ARFGAP1: variants seen among roughly 807,000 people sequenced by gnomAD.
ARFGAP1 encodes ARF GTPase activating protein 1, also known as ADP-ribosylation factor GTPase-activating protein 1.
Under a neutral mutation model 54.0 loss-of-function variants are expected in ARFGAP1, and 26 were observed. The ratio of observed to expected loss-of-function variants is 0.48; its 90% CI spans 0.35 to 0.67. The LOEUF (loss-of-function observed/expected upper bound fraction) is 0.67, where lower values mean the gene tolerates loss of function less well. Ranked by LOEUF, ARFGAP1 falls within the 30% of genes least tolerant of loss-of-function variation. The pLI, the probability that ARFGAP1 is intolerant of heterozygous loss-of-function variation, is 0.00. For synonymous variants in ARFGAP1, 248 were observed against 211.9 expected, an observed-to-expected ratio of 1.17 and a Z score of -1.48; for missense variants, 525 against 535.8, an observed-to-expected ratio of 0.98 and a Z score of 0.20.
chr20:63,280,214 G>A (rs2067344489), intron 7 of ARFGAP1, among the ~76,000 whole-genome samples: 1 of 152,236 alleles, frequency 6.6e-6, no homozygotes, highest in Non-Finnish European at 1.5e-5. Flanking sequence ...CTTTGGCCAC[G>A]GGGGCTGCTT....
intron 7 of ARFGAP1, chr20:63,279,196 T>G: frequency 3.0e-6 from 2 of 661,542 alleles, no homozygotes; most frequent in Non-Finnish European, 2.7e-6. Context: ...ATTCAATCAC[T>G]TCCTTTTTTT....
chr20:63,283,139 C>T (rs2067430924), intron 9 of ARFGAP1: 3 of 502,260 alleles, frequency 6.0e-6, no homozygotes, highest in Non-Finnish European at 1.1e-5. Flanking sequence ...GGGAGCAGGA[C>T]TGCCCGGCTT....
At position 63,288,129 on chromosome 20, in the gene ARFGAP1, C is replaced by G; in HGVS notation, c.*256C>G. 1.7e-6 allele frequency: 1 copy of G among 602,534 alleles called. No individual in the cohort carries two copies. The allele number at this position is 602,534 out of a possible 1,614,324, so 37.3% of individuals were successfully genotyped here. A position where few individuals can be genotyped will look rare whatever the true frequency, so the allele number is the denominator to read the frequency against. ...ACACTCCCCTGGGCATTCTTGGACT[C>G]AAGGCCGGGGCTCTGCGTGGCTTGC... On this transcript the variant is annotated 3_prime_UTR_variant, in exon 13 of 13. Transcript: ENST00000370283.
At chr20:63,285,562 G>C in intron 10 of ARFGAP1, 92 bp from the exon 11 acceptor site, 1 of 1,356,832 alleles carries the variant, frequency 7.4e-7, no homozygotes, top group Non-Finnish European at 1.1e-6. Context: ...CTGATATTTC[G>C]GATGCCCTCA....
chr20:63,284,220 G>A, intron 9 of ARFGAP1: 1 of 1,237,912 alleles, frequency 8.1e-7, no homozygotes, highest in East Asian at 3.7e-5. Context: ...CTGCTGAGCA[G>A]GGTTTCCTGG....
chr20:63,287,769 A>G lies in ARFGAP1; in HGVS notation c.1117A>G (p.Asn373Asp), dbSNP rs2067600855. Residue 373 changes from asparagine to aspartate, a missense_variant, in exon 13 of 13, where the codon AAC (asparagine) becomes GAC (aspartate). By Grantham distance (23) the Asn-to-Asp change is conservative. Transcript: ENST00000370283. ...SWEVWGSASTNRNSNSDGGEG... is the reference protein window; with the variant it reads ...SWEVWGSASTDRNSNSDGGEG... ...GGAGGTGTGGGGCTCGGCCTCCACC[A>G]ACAGGAACAGCAACAGCGACGGCGG... 5 of 1,609,308 alleles carry G rather than the reference A, an allele frequency of 3.1e-6. No homozygotes were observed. The East Asian group carries it at 1.1e-4, about 36-fold the overall frequency.
At chr20:63,285,992 C>CT in intron 11 of ARFGAP1, 1 of 1,530,044 alleles carries the variant, frequency 6.5e-7, no homozygotes, top group Non-Finnish European at 8.8e-7. Context: ...CCAGCGCCGT[C>CT]TTTGCTGCCA....
At chr20:63,278,760 G>A in intron 6 of ARFGAP1, 139 bp from the exon 7 acceptor site, 1 of 607,684 alleles carries the variant, frequency 1.6e-6, no homozygotes, top group Non-Finnish European at 2.9e-6. Flanking sequence ...TGCCACAGGA[G>A]GCAGCGTGCA....
chr20:63,273,554 G>A (rs2067157212), intron 1 of ARFGAP1: 1 of 152,224 alleles, frequency 6.6e-6, no homozygotes, highest in South Asian at 2.1e-4. Flanking sequence ...TAACATTTCA[G>A]GGAACTAGGG....
At chr20:63,287,480 GGT>G in intron 12 of ARFGAP1, 82 bp from the exon 13 acceptor site, 1 of 1,346,666 alleles carries the variant, frequency 7.4e-7, no homozygotes, top group South Asian at 1.5e-5. Context: ...TCACTGTCCA[GGT>G]GCAGAGCTCT....
At position 63,276,238 on chromosome 20, in the gene ARFGAP1, C is replaced by T. The variant is rs750785647; in HGVS notation, c.170+38C>T. The T allele has an allele frequency of 1.3e-5, 21 of 1,599,444 alleles. No individual in the cohort carries two copies. The highest frequency in any genetic ancestry group is 4.0e-5 in the African/African-American group (3 of 74,762). ...CCGCTCTGGCTCTGCGGAGAGCCTG[C>T]GGCCACCCCAGCATCTGTTCCTGAC... On this transcript the variant is annotated intron_variant, in intron 3 of 12. Transcript: ENST00000370283. This position sits in a 1 kb window ranked among gnomAD's most constrained non-coding sequence, Gnocchi z 5.2.
At chr20:63,286,938 A>C in intron 12 of ARFGAP1, 2 of 163,592 alleles carry the variant, frequency 1.2e-5, no homozygotes, top group Non-Finnish European at 1.3e-5. Context: ...AGTGCTTGGC[A>C]CCCCAGTCGC....
Position 63,285,644 on chromosome 20 carries a change from A to T in ARFGAP1, c.775-10A>T, listed in dbSNP as rs2067513946. On this transcript the variant is annotated splice_polypyrimidine_tract_variant and intron_variant, in intron 10 of 12. Coordinates refer to ENST00000370283, the MANE Select transcript of ARFGAP1 (RefSeq NM_018209.4). ...CGCCCCCATTAATGCCGCTGTCTTC[A>T]TCCGTGCAGGTGAAGGAGGGAAAGA... 1.9e-6 allele frequency: 3 copies of T among 1,613,278 alleles called. No individual in the cohort carries two copies. Among genetic ancestry groups the T allele is most frequent in the Non-Finnish European group, 2.5e-6 (3 of 1,179,868 alleles).
intron 10 of ARFGAP1, 114 bp from the exon 11 acceptor site, chr20:63,285,540 A>G (rs974275779): frequency 2.4e-5 from 26 of 1,104,510 alleles, no homozygotes; most frequent in Non-Finnish European, 3.6e-5. Flanking sequence ...CCTGATGGGT[A>G]TCCACATGCC....
chr20:63,277,095 C>A (rs1385027395), intron 4 of ARFGAP1, 110 bp from the exon 5 acceptor site: 5 of 864,058 alleles, frequency 5.8e-6, no homozygotes, highest in African/African-American at 1.7e-5. Flanking sequence ...GAGGAGGCTG[C>A]GGGTGGTGGG....
At position 63,276,666 on chromosome 20, in the gene ARFGAP1, G is replaced by A. The variant is rs200147733; in HGVS notation, c.342+15G>A. On this transcript the variant is annotated intron_variant, in intron 4 of 12. Transcript: ENST00000370283. The surrounding 1 kb of genome is among the most constrained non-coding windows in gnomAD (Gnocchi z 5.2). The stretch of plus-strand genomic sequence containing the variant: ...TTAGGGATAAGGTAGAGATGGGCCC[G>A]ATTCACTCTTGCCCATGGTGTGGGG... The A allele has an allele frequency of 1.3e-5, 21 of 1,590,794 alleles. No individual in the cohort carries two copies. The East Asian group carries it at 2.7e-4, about 20-fold the overall frequency.
intron 9 of ARFGAP1, 191 bp from the exon 10 acceptor site, chr20:63,284,675 T>C (rs1482609922): frequency 1.1e-5 from 16 of 1,433,330 alleles, no homozygotes; most frequent in Admixed American, 2.5e-5. Flanking sequence ...CTCCGCCTTC[T>C]AGAGGTGGCG....
At chr20:63,284,336 A>G (rs1373846660) in intron 9 of ARFGAP1, 2 of 1,066,848 alleles carry the variant, frequency 1.9e-6, no homozygotes, top group Non-Finnish European at 2.3e-6. Context: ...CTTTGGGGGA[A>G]GAGGAGGCCT....
At position 63,287,652 on chromosome 20, in the gene ARFGAP1, A is replaced by G. The variant is rs748937238; in HGVS notation, c.1000A>G (p.Ser334Gly). The G allele has an allele frequency of 1.2e-6, 2 of 1,612,530 alleles. No homozygotes were observed. The highest frequency in any genetic ancestry group is 1.7e-6 in the Non-Finnish European group (2 of 1,179,910). ...CCAGAGCTTCTGGGAGACCTTTGGA[A>G]GTGCTGAGCCCACCAAGACCCGCAA... The part of the protein sequence containing the change: ...IDQSFWETFG[S>G]AEPTKTRKSP... Residue 334 changes from serine to glycine, a missense_variant, in exon 13 of 13, where the codon AGT (serine) becomes GGT (glycine). Physicochemically the swap from Ser to Gly is moderately conservative, Grantham distance 56 (BLOSUM62 0). This residue lies in a region of ARFGAP1 where 466 missense variants were observed against 453.6 expected (regional missense o/e 1.03). Transcript: ENST00000370283.
Sources: gnomAD v4.1 joint callset for allele counts (sites outside exome capture counted in the v4.1 genomes callset) on GRCh38, gnomAD v4.1.1 for gene constraint, gnomAD v4.1.1 regional missense constraint, Gnocchi (gnomAD v3.1) non-coding constraint, MANE v1.5 for transcripts, NCBI Gene and HGNC (gene_info 2026-07-23, HGNC 2026-07-21) for gene names.